The following MOB1B variants were observed in gnomAD, a reference collection of about 807,000 sequenced individuals.
MOB1B encodes MOB kinase activator 1B, also known as MOB1 Mps One Binder homolog B.
MOB1B carries 19 observed loss-of-function variants against 24.4 expected under a neutral mutation model. That is an observed-to-expected ratio of 0.78 (90% CI 0.54 to 1.14). The LOEUF (loss-of-function observed/expected upper bound fraction) is 1.14. Among genes scored for constraint, MOB1B ranks in the 50% most tolerant of loss-of-function variants. MOB1B has a pLI of 0.00. For synonymous variants in MOB1B, 76 were observed against 82.1 expected (o/e 0.93, Z 0.40); for missense variants, 243 against 259.6 (o/e 0.94, Z 0.44).
In MOB1B at chr4:70,958,946, A is replaced by G; in HGVS notation, c.87A>G (p.Leu29=). Residue 29 remains leucine, a synonymous_variant, in exon 2 of 6, where the codon TTA becomes TTG. Transcript: ENST00000309395. ...IPEGSHQYEL[L]KHAEATLGSG... ...AGGGTTCTCACCAGTATGAGCTCTT[A>G]AAACACGCAGAAGCCACACTTGGCA... 6.2e-7 allele frequency: 1 copy of G among 1,614,166 alleles called. No individual in the cohort carries two copies. The highest frequency in any genetic ancestry group is 8.5e-7 in the Non-Finnish European group (1 of 1,180,016).
chr4:70,950,758 G>C (rs2047525329), intron 1 of MOB1B: 4 of 1,534,452 alleles, frequency 2.6e-6, no homozygotes, highest in Non-Finnish European at 3.5e-6. Flanking sequence ...TCGAATACCT[G>C]ATCTGTAGTG....
chr4:70,923,688 G>T (rs1029212110), intron 1 of MOB1B, among the ~76,000 whole-genome samples: 13 of 151,992 alleles, frequency 8.6e-5, no homozygotes, highest in African/African-American at 3.1e-4. Flanking sequence ...GGTGGCTCAA[G>T]CCTGTAATCC....
At chr4:70,975,082 A>G in intron 3 of MOB1B, 71 bp from the exon 4 acceptor site, 1 of 1,132,854 alleles carries the variant, frequency 8.8e-7, no homozygotes, top group Non-Finnish European at 1.2e-6. Context: ...AGTAATATAG[A>G]TACATAAAAT....
intron 1 of MOB1B, among the ~76,000 whole-genome samples, chr4:70,917,922 T>C (rs1356718520): frequency 2.1e-5 from 3 of 140,894 alleles, no homozygotes; most frequent in East Asian, 1.9e-4. Context: ...TTTCTTGATA[T>C]TTAATTTTTT....
chr4:70,977,467 G>GT, intron 4 of MOB1B, among the ~76,000 whole-genome samples: 1 of 152,174 alleles, frequency 6.6e-6, no homozygotes, highest in East Asian at 1.9e-4. Context: ...CATTTAGTAA[G>GT]TTTAACAAAG....
chr4:70,941,310 T>C (rs1018330561), intron 1 of MOB1B, among the ~76,000 whole-genome samples: 3 of 152,190 alleles, frequency 2.0e-5, no homozygotes, highest in African/African-American at 7.2e-5. Context: ...TTGTCACTTT[T>C]ATCTGCTGCA....
chr4:70,978,352 A>G (rs1578406091), intron 4 of MOB1B, among the ~76,000 whole-genome samples: 1 of 152,204 alleles, frequency 6.6e-6, no homozygotes, highest in Non-Finnish European at 1.5e-5. Flanking sequence ...GGTTGTTTCC[A>G]TATCTTGGCT....
Position 70,930,359 on chromosome 4 carries a change from T to A in MOB1B, c.14+27809T>A, listed in dbSNP as rs369614877. Among the ~76,000 whole-genome samples, 11 of 152,300 alleles carry A rather than the reference T, an allele frequency of 7.2e-5. No homozygotes were observed. In the East Asian group the frequency reaches 1.4e-3, roughly 19 times the overall value. Reference sequence around the variant, plus strand: ...TTACTTTTCACTTACTTCTCTTAATTCTTTTATTGCTTTTCTCATGGAGTC... The same window carrying A: ...TTACTTTTCACTTACTTCTCTTAATACTTTTATTGCTTTTCTCATGGAGTC... On this transcript the variant is annotated intron_variant, in intron 1 of 5. Transcript: ENST00000309395.
chr4:70,925,383 G>C (rs1332355268), intron 1 of MOB1B, among the ~76,000 whole-genome samples: 1 of 152,130 alleles, frequency 6.6e-6, no homozygotes, highest in Non-Finnish European at 1.5e-5. Context: ...GTATTTGTAA[G>C]GTGTTGTCTA....
intron 2 of MOB1B, among the ~76,000 whole-genome samples, chr4:70,966,855 A>C (rs553619055): frequency 6.6e-6 from 1 of 151,794 alleles, no homozygotes; most frequent in East Asian, 1.9e-4. Context: ...TTCAAAAAAA[A>C]AAATAAATTA....
In MOB1B at chr4:70,926,915, C is replaced by T. The variant is rs748600723; in HGVS notation, c.14+24365C>T. ...GGGAGGCTGAGGCAGGAGAATGGCG[C>T]AAACTCAGGAGGTGGAGCTTACAGT... On this transcript the variant is annotated intron_variant, in intron 1 of 5. Coordinates refer to ENST00000309395, the MANE Select transcript of MOB1B (RefSeq NM_173468.4). 8.6e-5 allele frequency among the ~76,000 whole-genome samples: 13 copies of T among 150,806 alleles called. No individual in the cohort carries two copies. In the South Asian group the frequency reaches 1.0e-3, roughly 12 times the overall value.
intron 2 of MOB1B, among the ~76,000 whole-genome samples, chr4:70,966,406 C>T (rs1738532044): frequency 1.4e-5 from 2 of 146,166 alleles, no homozygotes; most frequent in South Asian, 4.3e-4. Context: ...CGGAGTTTTG[C>T]TCTTGTTGCC....
At chr4:70,945,249 G>A (rs4694359) in intron 1 of MOB1B, among the ~76,000 whole-genome samples, 152,337 of 152,346 alleles carry the variant, frequency 1, 76,164 homozygotes, top group Non-Finnish European at 1. Flanking sequence ...TCAGATTACC[G>A]AAGGAGGAAG....
intron 1 of MOB1B, among the ~76,000 whole-genome samples, chr4:70,931,950 G>A (rs559220168): frequency 2.0e-5 from 3 of 152,068 alleles, no homozygotes; most frequent in Non-Finnish European, 4.4e-5. Flanking sequence ...GGTTAGTCTC[G>A]AAGTCCTGGG....
chr4:70,971,144 A>G (rs1036546413), intron 3 of MOB1B, among the ~76,000 whole-genome samples: 5 of 152,152 alleles, frequency 3.3e-5, no homozygotes, highest in African/African-American at 1.2e-4. Context: ...TTGAACTTAT[A>G]TGAACTGTCA....
chr4:70,902,587 G>T, intron 1 of MOB1B, 37 bp downstream of exon 1: 1 of 1,535,780 alleles, frequency 6.5e-7, no homozygotes, highest in Non-Finnish European at 8.7e-7. Context: ...GGCTTTGTTC[G>T]GGTGGACCTG....
rs575883993 is a variant in MOB1B at position 70,965,860 on chromosome 4, A to G, written c.182-4071A>G. 1.4e-3 allele frequency among the ~76,000 whole-genome samples: 217 copies of G among 150,710 alleles called. 1 individual carries two copies. The highest frequency in any genetic ancestry group is 3.4e-3 in the Middle Eastern group (1 of 290). ...AATGTTGTGAAGAAGTTATAAATTT[A>G]TCCCAATAAATTTGAAAATTTAATT... On this transcript the variant is annotated intron_variant, in intron 2 of 5. Transcript: ENST00000309395.
intron 1 of MOB1B, among the ~76,000 whole-genome samples, chr4:70,946,496 G>T (rs1190219417): frequency 2.6e-5 from 4 of 152,136 alleles, no homozygotes; most frequent in South Asian, 2.1e-4. Context: ...GCAGGAGGAG[G>T]TCATATTTTA....
At chr4:70,938,647 A>G (rs1426277581) in intron 1 of MOB1B, among the ~76,000 whole-genome samples, 1 of 152,122 alleles carries the variant, frequency 6.6e-6, no homozygotes, top group Non-Finnish European at 1.5e-5. Context: ...ACAGAGTGGT[A>G]AAAATCCTGT....
Sources: allele counts gnomAD v4.1 joint callset (sites outside exome capture counted in the v4.1 genomes callset), GRCh38; gene constraint gnomAD v4.1.1; transcripts MANE v1.5; gene names NCBI Gene and HGNC (gene_info 2026-07-23, HGNC 2026-07-21).